CNKSR3: variants seen among roughly 807,000 people sequenced by gnomAD.
CNKSR3 encodes CNKSR family member 3.
In CNKSR3, 36 loss-of-function variants were observed where a neutral mutation model predicts 67.7. The observed-to-expected ratio is 0.53, with a 90% CI of 0.41 to 0.70. The LOEUF is 0.70. Among genes scored for constraint, CNKSR3 ranks in the 30% least tolerant of loss-of-function variants. The pLI is 0.00. For missense variants in CNKSR3, 630 were observed against 695.2 expected (o/e 0.91, Z 1.05); for synonymous variants, 281 against 271.4 (o/e 1.04, Z -0.35).
At chr6:154,501,550 C>T (rs755473819) in intron 1 of CNKSR3, among the ~76,000 whole-genome samples, 1 of 152,064 alleles carries the variant, frequency 6.6e-6, no homozygotes, top group Admixed American at 6.6e-5. Context: ...CACCTCAGGG[C>T]CTTTGCATGA....
At chr6:154,479,757 C>T (rs907387721) in intron 1 of CNKSR3, among the ~76,000 whole-genome samples, 5 of 152,294 alleles carry the variant, frequency 3.3e-5, no homozygotes, top group Middle Eastern at 3.4e-3. Context: ...TGTCCTTTTA[C>T]GTGAGCTTTT....
chr6:154,510,348 C>T lies in CNKSR3; in HGVS notation c.-234G>A, dbSNP rs887670977. The T allele has an allele frequency of 1.1e-5, 6 of 542,780 alleles. No homozygotes were observed. Among genetic ancestry groups the T allele is most frequent in the Non-Finnish European group, 1.9e-5 (6 of 310,142 alleles). 33.6% of individuals were successfully genotyped at this position (542,780 alleles called of 1,614,324 possible). On this transcript the variant is annotated 5_prime_UTR_variant, in exon 1 of 13. Coordinates refer to ENST00000607772, the MANE Select transcript of CNKSR3 (RefSeq NM_173515.4). ...CAGCTGCAGCTCCTCCTTCCCCCGC[C>T]GCCGCCGGGATCCCGGGCACAGCTG...
At chr6:154,448,241 T>C (rs1195091923) in intron 2 of CNKSR3, among the ~76,000 whole-genome samples, 1 of 152,008 alleles carries the variant, frequency 6.6e-6, no homozygotes, top group Non-Finnish European at 1.5e-5. Flanking sequence ...ACGTTTATCA[T>C]CCCACTTGAT....
At chr6:154,438,687 A>C (rs1687221412) in intron 4 of CNKSR3, among the ~76,000 whole-genome samples, 1 of 152,206 alleles carries the variant, frequency 6.6e-6, no homozygotes, top group Admixed American at 6.5e-5. Context: ...CTCAGTGAGC[A>C]CCACAGGAAA....
chr6:154,451,592 G>A (rs1225432900), intron 1 of CNKSR3, among the ~76,000 whole-genome samples: 5 of 152,188 alleles, frequency 3.3e-5, no homozygotes, highest in Non-Finnish European at 7.3e-5. Context: ...ACCTGTGTCA[G>A]TGGGTATTTC....
chr6:154,465,808 A>C (rs1163342463), intron 1 of CNKSR3, among the ~76,000 whole-genome samples: 1 of 152,234 alleles, frequency 6.6e-6, no homozygotes, highest in Non-Finnish European at 1.5e-5. Context: ...TTTAACTTAA[A>C]GACATTATCA....
In CNKSR3 at chr6:154,403,159, GGA is replaced by G. The variant is rs1372258293; in HGVS notation, c.*3193_*3194del. On this transcript the variant is annotated 3_prime_UTR_variant, in exon 13 of 13. Coordinates refer to ENST00000607772, the MANE Select transcript of CNKSR3 (RefSeq NM_173515.4). ...AGGGGTAGGTGTTGAGTTGTGTCTG[GGA>G]GAGTTTTAACAATCACTCTTGTAAA... is the stretch of plus-strand genomic sequence containing the variant. 2 of 151,998 alleles carry G rather than the reference GGA, an allele frequency of 1.3e-5. No homozygotes were observed. The highest frequency in any genetic ancestry group is 1.3e-4 in the Admixed American group (2 of 15,270). The allele number at this position is 151,998 out of a possible 1,614,324, so 9.4% of individuals were successfully genotyped here.
chr6:154,502,458 A>G (rs948429699), intron 1 of CNKSR3, among the ~76,000 whole-genome samples: 32 of 151,576 alleles, frequency 2.1e-4, no homozygotes, highest in African/African-American at 6.8e-4. Flanking sequence ...CGGCCTCCCA[A>G]AGTGCTGGGA....
At chr6:154,507,812 T>C (rs1787133335) in intron 1 of CNKSR3, among the ~76,000 whole-genome samples, 1 of 152,190 alleles carries the variant, frequency 6.6e-6, no homozygotes, top group Non-Finnish European at 1.5e-5. Flanking sequence ...TTTTCCTAGA[T>C]GAAAGTAACT....
intron 1 of CNKSR3, among the ~76,000 whole-genome samples, chr6:154,467,395 A>G (rs1337560914): frequency 6.6e-6 from 1 of 152,174 alleles, no homozygotes; most frequent in Non-Finnish European, 1.5e-5. Context: ...TGCTACTACT[A>G]TGTAACACTC....
At chr6:154,501,374 T>C (rs763252464) in intron 1 of CNKSR3, among the ~76,000 whole-genome samples, 2 of 152,072 alleles carry the variant, frequency 1.3e-5, no homozygotes, top group Non-Finnish European at 2.9e-5. Context: ...ACCGTAACTA[T>C]TAAAAAATAA....
intron 1 of CNKSR3, among the ~76,000 whole-genome samples, chr6:154,488,611 G>A (rs1786724153): frequency 6.6e-6 from 1 of 151,970 alleles, no homozygotes; most frequent in Non-Finnish European, 1.5e-5. Flanking sequence ...AAAGATAAAA[G>A]AAAAGAAATA....
At chr6:154,430,653 G>A in intron 5 of CNKSR3, 62 bp from the exon 6 acceptor site, 2 of 1,485,436 alleles carry the variant, frequency 1.3e-6, no homozygotes, top group Middle Eastern at 3.5e-4. Flanking sequence ...ATCTCAAGCT[G>A]ATTTTTAGAG....
chr6:154,441,148 A>G (rs1222233338), intron 4 of CNKSR3, 144 bp downstream of exon 4: 1 of 548,636 alleles, frequency 1.8e-6, no homozygotes, highest in African/African-American at 1.9e-5. Flanking sequence ...AAAGCCTTTC[A>G]TCTCTTCCCA....
rs1440309929 is a variant in CNKSR3, at chr6:154,508,753, A to G, written c.52+1310T>C. On this transcript the variant is annotated intron_variant, in intron 1 of 12. Transcript: ENST00000607772. The stretch of plus-strand genomic sequence containing the variant: ...TATAGGAGTCCAGGAAATTCTGCTC[A>G]CTTGACAAACCCGTTCTCAAGGAGT... 2.0e-5 allele frequency among the ~76,000 whole-genome samples: 3 copies of G among 152,218 alleles called. No individual in the cohort carries two copies. In the East Asian group the frequency reaches 5.8e-4, roughly 29 times the overall value.
At position 154,442,010 on chromosome 6, in the gene CNKSR3, T is replaced by G. The variant is rs147761108; in HGVS notation, c.419+78A>C. On this transcript the variant is annotated intron_variant, in intron 3 of 12. Transcript: ENST00000607772. Reference sequence around the variant, plus strand: ...TGAAAAGAACAATGGTTCCTTTTCCTAAGACAAAGTACAGCTTCCATGCAG... The same window carrying G: ...TGAAAAGAACAATGGTTCCTTTTCCGAAGACAAAGTACAGCTTCCATGCAG... The G allele has an allele frequency of 1.8e-4, 242 of 1,344,140 alleles. No homozygotes were observed. The African/African-American group carries it at 2.9e-3, about 16-fold the overall frequency. The allele number at this position is 1,344,140 out of a possible 1,614,324, so 83.3% of individuals were successfully genotyped here. A position where few individuals can be genotyped will look rare whatever the true frequency, so the allele number is the denominator to read the frequency against.
In CNKSR3 at chr6:154,398,534, A is replaced by G. The variant is rs1784684277; in HGVS notation, c.*7820T>C. On this transcript the variant is annotated 3_prime_UTR_variant, in exon 13 of 13. Transcript: ENST00000607772. ...TCTCTTGGCTTTGTATTTGTGTAAG[A>G]GTTCCTTTTCACGATGAGAATGTCC... The G allele has an allele frequency of 6.6e-6, 1 of 152,184 alleles. No homozygotes were observed. The highest frequency in any genetic ancestry group is 2.4e-5 in the African/African-American group (1 of 41,424). 9.4% of individuals were successfully genotyped at this position (152,184 alleles called of 1,614,324 possible). A position where few individuals can be genotyped will look rare whatever the true frequency, so the allele number is the denominator to read the frequency against.
At chr6:154,491,343 A>G in intron 1 of CNKSR3, among the ~76,000 whole-genome samples, 1 of 152,212 alleles carries the variant, frequency 6.6e-6, no homozygotes, top group East Asian at 1.9e-4. Context: ...CTAGAAAAGA[A>G]CTTGACAAAC....
At chr6:154,412,417 T>C (rs939785313) in intron 10 of CNKSR3, among the ~76,000 whole-genome samples, 1 of 152,190 alleles carries the variant, frequency 6.6e-6, no homozygotes, top group Non-Finnish European at 1.5e-5. Flanking sequence ...TCTCTCACTA[T>C]GTACACAGCA....
Sources: allele counts gnomAD v4.1 joint callset (sites outside exome capture counted in the v4.1 genomes callset), GRCh38; gene constraint gnomAD v4.1.1; transcripts MANE v1.5; gene names NCBI Gene and HGNC (gene_info 2026-07-23, HGNC 2026-07-21).